The following MED13L variants were observed in gnomAD, a reference collection of about 807,000 sequenced individuals.
The protein encoded by MED13L is mediator complex subunit 13L.
In MED13L, 7 loss-of-function variants were observed where a neutral mutation model predicts 220.9. That is an observed-to-expected ratio of 0.03 (90% confidence interval 0.02 to 0.06). The LOEUF (loss-of-function observed/expected upper bound fraction) is 0.06. Ranked by LOEUF, MED13L falls within the 10% of genes least tolerant of loss-of-function variation. The probability of loss-of-function intolerance (pLI) is 1.00; values close to 1 mark genes in which losing one functional copy is unlikely to be tolerated. For synonymous variants in MED13L, 1,011 were observed against 1,015.2 expected (o/e 1.00, Z 0.08); for missense variants, 1,965 against 2,760.5 (o/e 0.71, Z 6.46).
At chr12:116,122,220 A>G (rs1204461034) in intron 2 of MED13L, among the ~76,000 whole-genome samples, 1 of 152,216 alleles carries the variant, frequency 6.6e-6, no homozygotes, top group African/African-American at 2.4e-5. Flanking sequence ...TACCAAGATA[A>G]ATAAACGATT....
At chr12:116,096,353 TCAAAAAAAAAAAAAA>T (rs1872636594) in intron 4 of MED13L, among the ~76,000 whole-genome samples, 1 of 7,542 alleles carries the variant, frequency 1.3e-4, no homozygotes, top group African/African-American at 5.5e-4. Flanking sequence ...AGACACAGCC[TCAAAAAAAAAAAAAA>T]AAAAAAAAAA....
At chr12:116,096,253 G>C (rs1401711774) in intron 4 of MED13L, among the ~76,000 whole-genome samples, 1 of 149,680 alleles carries the variant, frequency 6.7e-6, no homozygotes, top group African/African-American at 2.5e-5. Context: ...TACTTGGGAG[G>C]CTGAGTTGGG....
At chr12:116,111,183 G>A (rs1371825318) in intron 3 of MED13L, among the ~76,000 whole-genome samples, 1 of 152,040 alleles carries the variant, frequency 6.6e-6, no homozygotes, top group African/African-American at 2.4e-5. Flanking sequence ...ATGATTTAGG[G>A]AATAAATTTT....
chr12:116,104,089 C>T (rs1447955714), intron 3 of MED13L, among the ~76,000 whole-genome samples: 1 of 138,110 alleles, frequency 7.2e-6, no homozygotes. Context: ...TGGCTCACTG[C>T]AACCTCCGCC....
intron 4 of MED13L, among the ~76,000 whole-genome samples, chr12:116,040,679 A>G (rs577376664): frequency 6.6e-6 from 1 of 152,226 alleles, no homozygotes; most frequent in South Asian, 2.1e-4. Context: ...TCAAACTCCC[A>G]TCAATCCATT....
chr12:116,038,254 G>GCAA (rs1881306310), intron 4 of MED13L, among the ~76,000 whole-genome samples: 1 of 151,814 alleles, frequency 6.6e-6, no homozygotes, highest in African/African-American at 2.4e-5. Context: ...TATAAGACAT[G>GCAA]GGGGATGATG....
At chr12:116,008,377 G>T (rs1287656837) in intron 10 of MED13L, 24 bp downstream of exon 10, 1 of 1,589,758 alleles carries the variant, frequency 6.3e-7, no homozygotes, top group Non-Finnish European at 8.6e-7. Flanking sequence ...GTGGACGGGT[G>T]GGTGGTGCAG....
At chr12:116,087,318 C>G (rs1258758054) in intron 4 of MED13L, among the ~76,000 whole-genome samples, 3 of 152,078 alleles carry the variant, frequency 2.0e-5, no homozygotes, top group African/African-American at 7.2e-5. Flanking sequence ...TTTATGTAAT[C>G]TTTTTCTTAA....
Position 116,040,623 on chromosome 12 carries a change from G to A in MED13L, c.480-18022C>T, listed in dbSNP as rs563780161. On this transcript the variant is annotated intron_variant, in intron 4 of 30. Coordinates refer to ENST00000281928, the MANE Select transcript of MED13L (RefSeq NM_015335.5). ...CACTTTCCCACTGAATGACTCAGACGGACTTATTTCCTGATTTTTAAACTC... is the reference window on the plus strand; with the variant it reads ...CACTTTCCCACTGAATGACTCAGACAGACTTATTTCCTGATTTTTAAACTC... Among the ~76,000 whole-genome samples the A allele has an allele frequency of 5.3e-5, 8 of 152,094 alleles. No individual in the cohort carries two copies. In the East Asian group the frequency reaches 9.7e-4, roughly 18 times the overall value.
At chr12:116,164,718 G>A (rs571016841) in intron 2 of MED13L, among the ~76,000 whole-genome samples, 4 of 152,128 alleles carry the variant, frequency 2.6e-5, no homozygotes, top group African/African-American at 7.2e-5. Flanking sequence ...ACTGCTAACC[G>A]ATGTCACACT....
intron 4 of MED13L, among the ~76,000 whole-genome samples, chr12:116,093,358 CTA>C (rs1872394787): frequency 6.6e-6 from 1 of 151,888 alleles, no homozygotes; most frequent in South Asian, 2.1e-4. Flanking sequence ...GAATGAATTT[CTA>C]TGTTTCTAAA....
At chr12:116,085,703 G>A (rs1197111058) in intron 4 of MED13L, among the ~76,000 whole-genome samples, 1 of 148,448 alleles carries the variant, frequency 6.7e-6, no homozygotes, top group Non-Finnish European at 1.5e-5. Context: ...AATGGGGAAA[G>A]GAGAAAGACT....
chr12:116,149,761 A>G (rs1877886090), intron 2 of MED13L, among the ~76,000 whole-genome samples: 1 of 152,208 alleles, frequency 6.6e-6, no homozygotes, highest in African/African-American at 2.4e-5. Context: ...AGAAAATAAG[A>G]GTTAGGCATT....
chr12:116,018,410 G>T (rs559034005), intron 7 of MED13L, among the ~76,000 whole-genome samples: 14 of 152,218 alleles, frequency 9.2e-5, no homozygotes, highest in African/African-American at 3.4e-4. Context: ...TATGTATCAT[G>T]CTTGATAGTT....
At chr12:116,203,836 G>C (rs996615475) in intron 2 of MED13L, among the ~76,000 whole-genome samples, 9 of 151,858 alleles carry the variant, frequency 5.9e-5, no homozygotes, top group Non-Finnish European at 1.2e-4. Flanking sequence ...AACACAAAAA[G>C]AAAAAGACAA....
intron 9 of MED13L, among the ~76,000 whole-genome samples, chr12:116,011,929 C>G (rs1007745493): frequency 2.6e-5 from 4 of 152,226 alleles, no homozygotes; most frequent in Admixed American, 2.0e-4. Flanking sequence ...ACTACCTCCT[C>G]AGCCTGAAGC....
At chr12:116,054,213 A>AACAC (rs58217261) in intron 4 of MED13L, among the ~76,000 whole-genome samples, 547 of 131,114 alleles carry the variant, frequency 4.2e-3, no homozygotes, top group African/African-American at 0.012. Context: ...CACACACACA[A>AACAC]ACACACACAC....
At chr12:116,242,324 C>T (rs1355768585) in intron 1 of MED13L, among the ~76,000 whole-genome samples, 2 of 152,086 alleles carry the variant, frequency 1.3e-5, no homozygotes, top group Non-Finnish European at 2.9e-5. Context: ...GGATTACAGG[C>T]GTGAGCCATT....
At chr12:116,054,916 A>G (rs969047913) in intron 4 of MED13L, among the ~76,000 whole-genome samples, 25 of 152,370 alleles carry the variant, frequency 1.6e-4, no homozygotes, top group African/African-American at 6.0e-4. Flanking sequence ...TAATAGCCCC[A>G]AAGTAATAAT....
Sources: gnomAD v4.1 joint callset for allele counts (sites outside exome capture counted in the v4.1 genomes callset) on GRCh38, gnomAD v4.1.1 for gene constraint, MANE v1.5 for transcripts, NCBI Gene and HGNC (gene_info 2026-07-23, HGNC 2026-07-21) for gene names.